PHLPP2: variants seen among roughly 807,000 people sequenced by gnomAD.
PHLPP2 encodes PH domain and leucine rich repeat protein phosphatase 2.
In PHLPP2, 66 loss-of-function variants were observed where a neutral mutation model predicts 124.9. The observed-to-expected ratio is 0.53, with a 90% CI of 0.43 to 0.65. The LOEUF (loss-of-function observed/expected upper bound fraction) is 0.65, where lower values mean the gene tolerates loss of function less well. PHLPP2 is among the 30% of genes least tolerant of loss of function. The pLI, the probability that PHLPP2 is intolerant of heterozygous loss-of-function variation, is 0.00. For missense variants in PHLPP2, 1,685 were observed against 1,600.4 expected (o/e 1.05, Z -0.90); for synonymous variants, 681 against 624.7 (o/e 1.09, Z -1.34).
At chr16:71,711,833 T>A (rs1291828615) in intron 2 of PHLPP2, among the ~76,000 whole-genome samples, 1 of 152,236 alleles carries the variant, frequency 6.6e-6, no homozygotes, top group Non-Finnish European at 1.5e-5. Flanking sequence ...GATTAGATAA[T>A]GTAAAACTGA....
intron 12 of PHLPP2, among the ~76,000 whole-genome samples, chr16:71,664,847 T>C (rs543677183): frequency 6.6e-6 from 1 of 152,222 alleles, no homozygotes; most frequent in African/African-American, 2.4e-5. Flanking sequence ...ATAGGCTGTT[T>C]CCATTTCTAT....
chr16:71,649,171 A>C lies in PHLPP2; in HGVS notation c.3691T>G (p.Ser1231Ala). 2.5e-6 allele frequency: 4 copies of C among 1,614,128 alleles called. No homozygotes were observed. The highest frequency in any genetic ancestry group is 3.4e-6 in the Non-Finnish European group (4 of 1,180,000). Residue 1231 changes from serine (S) to alanine (A), a missense_variant, in exon 19 of 19, where the codon TCC (serine) becomes GCC (alanine). By Grantham distance (99) the Ser-to-Ala change is moderately conservative. Coordinates refer to ENST00000568954, the MANE Select transcript of PHLPP2 (RefSeq NM_015020.3). Reference protein sequence around the residue: ...KDRMELQKSPSTSCLYGKKLS... With the variant: ...KDRMELQKSPATSCLYGKKLS... ...TTCTTCCCATAGAGGCAGGAGGTGG[A>C]GGGAGACTTCTGTAACTCCATCCTG...
chr16:71,664,749 T>C (rs2044823771), intron 12 of PHLPP2, among the ~76,000 whole-genome samples: 1 of 152,016 alleles, frequency 6.6e-6, no homozygotes, highest in South Asian at 2.1e-4. Context: ...AGACTCCATC[T>C]CAAAGAAGAA....
intron 2 of PHLPP2, among the ~76,000 whole-genome samples, chr16:71,707,410 T>C (rs1413578676): frequency 6.6e-6 from 1 of 152,050 alleles, no homozygotes; most frequent in Non-Finnish European, 1.5e-5. Flanking sequence ...CCCCAGTTTA[T>C]GCTAAGAGAT....
At position 71,655,531 on chromosome 16, in the gene PHLPP2, C is replaced by G. The variant is rs1304923318; in HGVS notation, c.2391-97G>C. 2.2e-5 allele frequency: 18 copies of G among 821,780 alleles called. No homozygotes were observed. In the East Asian group the frequency reaches 4.0e-4, roughly 18 times the overall value. 50.9% of individuals were successfully genotyped at this position (821,780 alleles called of 1,614,324 possible). A position where few individuals can be genotyped will look rare whatever the true frequency, so the allele number is the denominator to read the frequency against. On this transcript the variant is annotated intron_variant, in intron 16 of 18. Coordinates refer to ENST00000568954, the MANE Select transcript of PHLPP2 (RefSeq NM_015020.3). ...TTTTTTTTTTTTTTTGAGAGGGAGTCTTGCACTGTCACCCAGGCTGGAGTG... is the reference window on the plus strand; with the variant it reads ...TTTTTTTTTTTTTTTGAGAGGGAGTGTTGCACTGTCACCCAGGCTGGAGTG...
Position 71,648,776 on chromosome 16 carries a change from AAACAAACAAAAAAAAAACG to A in PHLPP2, c.*95_*113del, listed in dbSNP as rs1421917107. The A allele has an allele frequency of 3.6e-6, 3 of 827,562 alleles. No homozygotes were observed. Among genetic ancestry groups the A allele is most frequent in the East Asian group, 4.9e-5 (2 of 41,174 alleles). 51.3% of individuals were successfully genotyped at this position (827,562 alleles called of 1,614,324 possible). A position where few individuals can be genotyped will look rare whatever the true frequency, so the allele number is the denominator to read the frequency against. On this transcript the variant is annotated 3_prime_UTR_variant, in exon 19 of 19. Coordinates refer to ENST00000568954, the MANE Select transcript of PHLPP2 (RefSeq NM_015020.3). ...ACTGAGCAAGACTCCGTCTCAAAAC[AAACAAACAAAAAAAAAACG>A]AACAAACAAAAAGAAATGTAGAGGC...
At chr16:71,701,046 A>G (rs1254359214) in intron 3 of PHLPP2, among the ~76,000 whole-genome samples, 1 of 152,062 alleles carries the variant, frequency 6.6e-6, no homozygotes, top group Non-Finnish European at 1.5e-5. Context: ...GCTGGTGAGG[A>G]ACTGAGGCCA....
intron 9 of PHLPP2, among the ~76,000 whole-genome samples, chr16:71,675,383 G>A (rs1291233129): frequency 6.6e-6 from 1 of 152,088 alleles, no homozygotes; most frequent in African/African-American, 2.4e-5. Context: ...TAAAAAGAAT[G>A]GCCTCGACAA....
rs1203747217 is a variant in PHLPP2, at chr16:71,667,187, T to C, written c.1775A>G (p.Lys592Arg). The change falls in exon 12 of 19, where the codon AAG becomes AGG. Residue 592 changes from lysine (K) to arginine (R), a missense_variant. Coordinates refer to ENST00000568954, the MANE Select transcript of PHLPP2 (RefSeq NM_015020.3). ...LTRLPDTLFS[K>R]ALNLRYLNAS... ...ATCCTATGATACTTACTTTAAGGCC[T>C]TGGAGAAGAGGGTGTCTGGCAGCCT... is the stretch of plus-strand genomic sequence containing the variant. 1.9e-6 allele frequency: 3 copies of C among 1,612,898 alleles called. No homozygotes were observed. The highest frequency in any genetic ancestry group is 1.7e-6 in the Non-Finnish European group (2 of 1,179,610).
intron 2 of PHLPP2, among the ~76,000 whole-genome samples, 159 bp from the exon 3 acceptor site, chr16:71,702,890 T>C (rs1297243392): frequency 2.0e-5 from 3 of 152,190 alleles, no homozygotes; most frequent in Non-Finnish European, 1.5e-5. Context: ...TTTAGTGTAA[T>C]CCTCACCTGA....
Position 71,649,894 on chromosome 16 carries a change from G to A in PHLPP2, c.2968C>T (p.His990Tyr), listed in dbSNP as rs774480827. Residue 990 changes from histidine to tyrosine, a missense_variant, in exon 19 of 19, where the codon CAC becomes TAC. His to Tyr is a moderately conservative substitution (Grantham distance 83). Transcript: ENST00000568954. ...LILGNKALWE[H>Y]LSYTEAVNAV... ...TTGACAGCTTCTGTGTAGGACAAGT[G>A]TTCCCACAATGCTTTGTTTCCCAGA... 6.2e-7 allele frequency: 1 copy of A among 1,614,230 alleles called. No homozygotes were observed. Among genetic ancestry groups the A allele is most frequent in the South Asian group, 1.1e-5 (1 of 91,088 alleles).
rs371284962 is a variant in PHLPP2 at position 71,669,363 on chromosome 16, G to C, written c.1540C>G (p.Leu514Val). 5.0e-6 allele frequency: 8 copies of C among 1,604,652 alleles called. No homozygotes were observed. Among genetic ancestry groups the C allele is most frequent in the East Asian group, 2.2e-5 (1 of 44,852 alleles). The stretch of plus-strand genomic sequence containing the variant: ...CAGGCCCAGTCAGGGACACACTCTA[G>C]CAGGTTTCTGCAGAAAATAAATAAT... ...LTFLDLSRNL[L>V]ECVPDWACEA... The change falls in exon 11 of 19, where the codon CTA becomes GTA. Residue 514 changes from leucine to valine, a missense_variant. Coordinates refer to ENST00000568954, the MANE Select transcript of PHLPP2 (RefSeq NM_015020.3).
At chr16:71,661,531 A>G (rs1379741119) in intron 13 of PHLPP2, among the ~76,000 whole-genome samples, 2 of 152,060 alleles carry the variant, frequency 1.3e-5, no homozygotes, top group Non-Finnish European at 2.9e-5. Flanking sequence ...GTGGTCTATT[A>G]TTTTCACTTT....
rs1008071206 is a variant in PHLPP2, at chr16:71,718,407, G to A, written c.-6-3606C>T. Among the ~76,000 whole-genome samples, 5 of 151,838 alleles carry A rather than the reference G, an allele frequency of 3.3e-5. No individual in the cohort carries two copies. The East Asian group carries it at 7.7e-4, about 23-fold the overall frequency. ...AGCCTGGCCAACATAGTGAAACCCC[G>A]TCTCTACTAAAAATACAAAAACATT... is the stretch of plus-strand genomic sequence containing the variant. On this transcript the variant is annotated intron_variant, in intron 1 of 18. Transcript: ENST00000568954.
rs2044669081 is a variant in PHLPP2, at chr16:71,648,546, G to C, written c.*344C>G. ...GCACTTTGGGAGGCAGAGGAGGGTG[G>C]ATCACCTGAGGTCAAGAGTTCAACA... On this transcript the variant is annotated 3_prime_UTR_variant, in exon 19 of 19. Coordinates refer to ENST00000568954, the MANE Select transcript of PHLPP2 (RefSeq NM_015020.3). 1 of 251,154 alleles carries C rather than the reference G, an allele frequency of 4.0e-6. No homozygotes were observed. The highest frequency in any genetic ancestry group is 2.2e-5 in the African/African-American group (1 of 45,460). 15.6% of individuals were successfully genotyped at this position (251,154 alleles called of 1,614,324 possible).
At chr16:71,698,685 G>A (rs757517171) in intron 3 of PHLPP2, 15 of 478,090 alleles carry the variant, frequency 3.1e-5, no homozygotes, top group Non-Finnish European at 5.5e-5. Flanking sequence ...GAACTCAGTT[G>A]GCTTAACTGT....
chr16:71,649,098 A>G lies in PHLPP2; in HGVS notation c.3764T>C (p.Ile1255Thr), dbSNP rs890893493. 18 of 1,613,980 alleles carry G rather than the reference A, an allele frequency of 1.1e-5. No individual in the cohort carries two copies. Among genetic ancestry groups the G allele is most frequent in the African/African-American group, 1.3e-5 (1 of 74,892 alleles). The change falls in exon 19 of 19, where the codon ATT becomes ACT. Residue 1255 changes from isoleucine (I) to threonine (T), a missense_variant. Ile to Thr is a moderately conservative substitution (Grantham distance 89). Transcript: ENST00000568954. ...CTTGGGCACTTCTGTGGCCACTTCA[A>G]TGAGGTTCAGGCTGTCCTCTAGGGG... ...IVPLEDSLNL[I>T]EVATEVPKRK...
At chr16:71,651,557 A>G (rs964540958) in intron 18 of PHLPP2, among the ~76,000 whole-genome samples, 1 of 152,152 alleles carries the variant, frequency 6.6e-6, no homozygotes, top group African/African-American at 2.4e-5. Context: ...TAAAATAACT[A>G]AAAATTTAAA....
rs369156314 is a variant in PHLPP2 at position 71,690,582 on chromosome 16, G to A, written c.546C>T (p.Ile182=). Residue 182 remains isoleucine (I), a synonymous_variant, in exon 4 of 19, where the codon ATC becomes ATT. Coordinates refer to ENST00000568954, the MANE Select transcript of PHLPP2 (RefSeq NM_015020.3). ...RLVVLCGTCL[I]VSSVKDCQTG... ...TTTGACAATCCTTCACTGAGGAAAC[G>A]ATAAGGCAGGTACCACAGAGGACAA... 2.9e-5 allele frequency: 46 copies of A among 1,612,880 alleles called. No individual in the cohort carries two copies. Among genetic ancestry groups the A allele is most frequent in the Admixed American group, 6.7e-5 (4 of 59,982 alleles).
Sources: allele counts gnomAD v4.1 joint callset (sites outside exome capture counted in the v4.1 genomes callset), GRCh38; gene constraint gnomAD v4.1.1; transcripts MANE v1.5; gene names NCBI Gene and HGNC (gene_info 2026-07-23, HGNC 2026-07-21).